ART3: variants seen among roughly 807,000 people sequenced by gnomAD.
The protein encoded by ART3 is ecto-ADP-ribosyltransferase 3.
A neutral mutation model predicts 48.5 loss-of-function variants in ART3; 49 were observed. That is an observed-to-expected ratio of 1.01 (90% CI 0.80 to 1.28). ART3 has a LOEUF of 1.28. Among genes scored for constraint, ART3 ranks in the 50% most tolerant of loss-of-function variants. The pLI, the probability that ART3 is intolerant of heterozygous loss-of-function variation, is 0.00. For synonymous variants in ART3, 145 were observed against 157.2 expected (o/e 0.92, Z 0.58); for missense variants, 438 against 454.3 (o/e 0.96, Z 0.33).
At chr4:76,028,952 T>C (rs989213168) in intron 1 of ART3, among the ~76,000 whole-genome samples, 6 of 152,212 alleles carry the variant, frequency 3.9e-5, no homozygotes, top group African/African-American at 1.4e-4. Context: ...TTTCATCATT[T>C]GGAGGAAGAG....
At chr4:76,061,246 A>G (rs1719186703) in intron 1 of ART3, among the ~76,000 whole-genome samples, 1 of 152,186 alleles carries the variant, frequency 6.6e-6, no homozygotes, top group African/African-American at 2.4e-5. Context: ...AAACCTGCTC[A>G]TATTTTTTAT....
At chr4:76,044,597 T>A (rs1735313369) in intron 1 of ART3, among the ~76,000 whole-genome samples, 1 of 151,600 alleles carries the variant, frequency 6.6e-6, no homozygotes, top group South Asian at 2.1e-4. Flanking sequence ...TCTCTTCAAC[T>A]TCTTTGTCTC....
At chr4:76,104,074 C>A in intron 9 of ART3, 105 bp downstream of exon 9, 1 of 1,246,898 alleles carries the variant, frequency 8.0e-7, no homozygotes, top group Non-Finnish European at 1.2e-6. Flanking sequence ...TGAATATTTC[C>A]CTTATAGCTA....
chr4:76,022,067 A>G (rs755375057), intron 1 of ART3: 34 of 987,254 alleles, frequency 3.4e-5, no homozygotes, highest in Non-Finnish European at 4.9e-5. Context: ...GCTGCTATGC[A>G]TTCATTATGG....
intron 1 of ART3, among the ~76,000 whole-genome samples, chr4:76,059,345 TCTC>T (rs1280713463): frequency 4.1e-5 from 6 of 146,940 alleles, no homozygotes; most frequent in Non-Finnish European, 8.9e-5. Flanking sequence ...CTTGCTGTCT[TCTC>T]GTTATTTTCT....
In ART3 at chr4:76,090,152, C is replaced by A. The variant is rs149414990; in HGVS notation, c.782-7492C>A. 2.5e-3 allele frequency among the ~76,000 whole-genome samples: 375 copies of A among 152,296 alleles called. 1 individual carries two copies. Among genetic ancestry groups the A allele is most frequent in the African/African-American group, 8.6e-3 (359 of 41,566 alleles). On this transcript the variant is annotated intron_variant, in intron 3 of 11. Transcript: ENST00000355810. ...CCTCAGCCACTGTTTAGAAAAACCACAGATCTAATGGCAGGTCAGCCACAT... is the reference window on the plus strand; with the variant it reads ...CCTCAGCCACTGTTTAGAAAAACCAAAGATCTAATGGCAGGTCAGCCACAT...
chr4:76,096,855 G>A (rs1450407617), intron 3 of ART3, among the ~76,000 whole-genome samples: 1 of 152,218 alleles, frequency 6.6e-6, no homozygotes, highest in African/African-American at 2.4e-5. Context: ...TTATATGAAT[G>A]TGAAGGATCT....
At chr4:76,043,471 C>T (rs558595005) in intron 1 of ART3, among the ~76,000 whole-genome samples, 4 of 152,102 alleles carry the variant, frequency 2.6e-5, no homozygotes, top group African/African-American at 7.2e-5. Context: ...GATGAGAAAT[C>T]GAGTGCAGTG....
chr4:76,019,689 C>T (rs951310146), intron 1 of ART3, among the ~76,000 whole-genome samples: 2 of 150,244 alleles, frequency 1.3e-5, no homozygotes, highest in Admixed American at 6.6e-5. Context: ...CTCCTGACCT[C>T]GTGATCCACC....
chr4:76,098,427 A>G (rs1726505577), intron 4 of ART3, among the ~76,000 whole-genome samples: 1 of 152,190 alleles, frequency 6.6e-6, no homozygotes, highest in Non-Finnish European at 1.5e-5. Flanking sequence ...AGAGAGAGAA[A>G]AAAAGTTCAA....
chr4:76,068,332 T>G (rs931749102), intron 1 of ART3, among the ~76,000 whole-genome samples: 1 of 152,206 alleles, frequency 6.6e-6, no homozygotes, highest in Non-Finnish European at 1.5e-5. Flanking sequence ...TATTAATAGT[T>G]TATTCTTTTT....
chr4:76,029,143 G>T (rs190447318), intron 1 of ART3, among the ~76,000 whole-genome samples: 114 of 152,150 alleles, frequency 7.5e-4, no homozygotes, highest in African/African-American at 2.6e-3. Context: ...ATTCATCATT[G>T]GTTGTCTTTT....
intron 1 of ART3, among the ~76,000 whole-genome samples, chr4:76,065,367 C>T (rs373437315): frequency 6.6e-6 from 1 of 152,016 alleles, no homozygotes; most frequent in Non-Finnish European, 1.5e-5. Context: ...CTTAACATGC[C>T]GATCTTTGGG....
intron 1 of ART3, among the ~76,000 whole-genome samples, chr4:76,049,196 A>T (rs1215010636): frequency 6.6e-6 from 1 of 151,972 alleles, no homozygotes; most frequent in African/African-American, 2.4e-5. Flanking sequence ...AGTTTATACT[A>T]TAAATCATTC....
intron 3 of ART3, among the ~76,000 whole-genome samples, chr4:76,095,956 C>G (rs529027817): frequency 6.6e-6 from 1 of 151,676 alleles, no homozygotes; most frequent in African/African-American, 2.4e-5. Flanking sequence ...GAGTTTTGCT[C>G]TTGTCACCCA....
At chr4:76,017,721 C>T (rs1278260381) in intron 1 of ART3, among the ~76,000 whole-genome samples, 1 of 152,222 alleles carries the variant, frequency 6.6e-6, no homozygotes, top group Non-Finnish European at 1.5e-5. Flanking sequence ...CCCCAGAGCA[C>T]TTTAGCGAGC....
intron 9 of ART3, 100 bp from the exon 10 acceptor site, chr4:76,104,497 G>A: frequency 3.9e-6 from 6 of 1,541,082 alleles, no homozygotes; most frequent in Non-Finnish European, 5.3e-6. Flanking sequence ...GTGCATTGGG[G>A]CCTTGGGTGC....
intron 3 of ART3, among the ~76,000 whole-genome samples, chr4:76,087,004 C>A (rs1723744776): frequency 6.6e-6 from 1 of 152,228 alleles, no homozygotes; most frequent in South Asian, 2.1e-4. Flanking sequence ...AACCCGGCTG[C>A]AGCTGGGCTG....
intron 1 of ART3, chr4:76,021,503 T>TC (rs1732806337): frequency 6.2e-6 from 1 of 161,138 alleles, no homozygotes; most frequent in African/African-American, 2.4e-5. Context: ...GCAGTGGAAG[T>TC]CCATGAAGTA....
Sources: gnomAD v4.1 joint callset for allele counts (sites outside exome capture counted in the v4.1 genomes callset) on GRCh38, gnomAD v4.1.1 for gene constraint, MANE v1.5 for transcripts, NCBI Gene and HGNC (gene_info 2026-07-23, HGNC 2026-07-21) for gene names.